The following NCBP2L variants were observed in gnomAD, a reference collection of about 807,000 sequenced individuals.
NCBP2L encodes nuclear cap-binding protein subunit 2-like.
For synonymous variants in NCBP2L, 39 were observed against 19.2 expected (o/e 2.04, Z -2.70); for missense variants, 95 against 53.1 (o/e 1.79, Z -2.45).
intron 1 of NCBP2L, among the ~76,000 whole-genome samples, chrX:107,789,623 TAA>T (rs1279601457): frequency 2.7e-5 from 3 of 111,319 alleles, no homozygotes; most frequent in Admixed American, 9.6e-5. Flanking sequence ...TGAACAATGT[TAA>T]GTCTTTATTT....
At chrX:107,782,321 A>T (rs1930327645) in intron 1 of NCBP2L, among the ~76,000 whole-genome samples, 1 of 39,840 alleles carries the variant, frequency 2.5e-5, no homozygotes, top group Admixed American at 4.4e-4. Context: ...AAATATATAT[A>T]TATAAATATA....
At chrX:107,782,711 GT>G (rs933321821) in intron 1 of NCBP2L, among the ~76,000 whole-genome samples, 3 of 104,291 alleles carry the variant, frequency 2.9e-5, no homozygotes, top group Admixed American at 1.1e-4. Flanking sequence ...ATCATGTAGT[GT>G]TTTTTTTTCT....
chrX:107,783,365 T>TTTA (rs1930351113), intron 1 of NCBP2L, among the ~76,000 whole-genome samples: 1 of 95,969 alleles, frequency 1.0e-5, no homozygotes, highest in African/African-American at 4.0e-5. Flanking sequence ...TGCCTTTTTT[T>TTTA]TTTTTTTTTT....
intron 1 of NCBP2L, among the ~76,000 whole-genome samples, chrX:107,792,160 G>T (rs749833434): frequency 8.9e-6 from 1 of 111,771 alleles, no homozygotes; most frequent in Non-Finnish European, 1.9e-5. Context: ...CCATGTGTTC[G>T]CTTCTTTGGC....
chrX:107,781,651 C>CTATCATCTATCTATCT (rs1405952181), intron 1 of NCBP2L, among the ~76,000 whole-genome samples: 5 of 65,210 alleles, frequency 7.7e-5, no homozygotes, highest in Non-Finnish European at 1.3e-4. Flanking sequence ...ATCTATCTAT[C>CTATCATCTATCTATCT]ATCTATCTAT....
chrX:107,790,107 AGACCTCTATCTACACAGTT>A (rs765170616), intron 1 of NCBP2L, among the ~76,000 whole-genome samples: 1 of 101,478 alleles, frequency 9.9e-6, no homozygotes, highest in Non-Finnish European at 2.1e-5. Context: ...TTGGTGACTC[AGACCTCTATCTACACAGTT>A]GACCTCTATC....
intron 1 of NCBP2L, among the ~76,000 whole-genome samples, chrX:107,781,736 A>C (rs963550759): frequency 4.3e-5 from 3 of 70,523 alleles, no homozygotes; most frequent in African/African-American, 1.0e-4. Flanking sequence ...ATAGATCTAT[A>C]TATAGATATC....
chrX:107,781,873 G>A (rs1458615244), intron 1 of NCBP2L, among the ~76,000 whole-genome samples: 1 of 71,314 alleles, frequency 1.4e-5, no homozygotes, highest in Non-Finnish European at 2.6e-5. Context: ...TCTTTGAGAC[G>A]GAGTCTCGCT....
At chrX:107,781,216 C>CTTTT in intron 1 of NCBP2L, among the ~76,000 whole-genome samples, 2 of 89,843 alleles carry the variant, frequency 2.2e-5, no homozygotes, top group Non-Finnish European at 4.4e-5. Flanking sequence ...TGAAGGCCGG[C>CTTTT]TTTTTTTTTT....
At chrX:107,781,840 A>G (rs1930295840) in intron 1 of NCBP2L, among the ~76,000 whole-genome samples, 1 of 42,865 alleles carries the variant, frequency 2.3e-5, no homozygotes, top group Non-Finnish European at 4.8e-5. Flanking sequence ...AGAGATATAT[A>G]TATTTATATA....
At position 107,794,855 on chromosome X, in the gene NCBP2L, C is replaced by G. The variant is rs1479789684; in HGVS notation, c.*173C>G. 2.7e-6 allele frequency: 1 copy of G among 377,352 alleles called. No individual in the cohort carries two copies. The highest frequency in any genetic ancestry group is 4.2e-5 in the East Asian group (1 of 23,866). The allele number at this position is 377,352 out of a possible 1,213,427, so 31.1% of individuals were successfully genotyped here. The stretch of plus-strand genomic sequence containing the variant: ...ACAAAAAAAATCCATTTGTTTTTGT[C>G]TGAATTTTGAAGATGCTTTTCAGAT... On this transcript the variant is annotated 3_prime_UTR_variant, in exon 2 of 2. Coordinates refer to ENST00000509000, the MANE Select transcript of NCBP2L (RefSeq NM_001348372.2).
At position 107,782,318 on chromosome X, in the gene NCBP2L, TATATATAA is replaced by T. The variant is rs1259627615; in HGVS notation, c.-73+4468_-73+4475del. Among the ~76,000 whole-genome samples the T allele has an allele frequency of 5.9e-4, 21 of 35,382 alleles. 3 individuals carry two copies. The highest frequency in any genetic ancestry group is 5.7e-3 in the African/African-American group (20 of 3,498). The allele number at this position is 35,382 out of a possible 115,157, so 30.7% of individuals were successfully genotyped here. ...ATATATAAATATATATATAAATATA[TATATATAA>T]ATATATATATAAATATATATATATA... On this transcript the variant is annotated intron_variant, in intron 1 of 1. Coordinates refer to ENST00000509000, the MANE Select transcript of NCBP2L (RefSeq NM_001348372.2).
chrX:107,779,995 C>T lies in NCBP2L; in HGVS notation c.-73+2137C>T, dbSNP rs372595001. ...TCCTGACCTCGTGATCCGCCCGTCT[C>T]GGCCTCCCAAAGTGCTGGGATTACA... On this transcript the variant is annotated intron_variant, in intron 1 of 1. Transcript: ENST00000509000. Among the ~76,000 whole-genome samples the T allele has an allele frequency of 2.4e-4, 26 of 109,131 alleles. No homozygotes were observed. The East Asian group carries it at 5.3e-3, about 22-fold the overall frequency. 94.8% of individuals were successfully genotyped at this position (109,131 alleles called of 115,157 possible). A position where few individuals can be genotyped will look rare whatever the true frequency, so the allele number is the denominator to read the frequency against.
chrX:107,781,743 T>TATATATATATAG (rs1930288356), intron 1 of NCBP2L, among the ~76,000 whole-genome samples: 7 of 94,788 alleles, frequency 7.4e-5, no homozygotes, highest in South Asian at 9.3e-4. Flanking sequence ...TATATATAGA[T>TATATATATATAG]ATCTATATAT....
At chrX:107,787,515 A>G (rs1417134678) in intron 1 of NCBP2L, among the ~76,000 whole-genome samples, 1 of 111,220 alleles carries the variant, frequency 9.0e-6, no homozygotes, top group Non-Finnish European at 1.9e-5. Flanking sequence ...GATTGTACCC[A>G]TTAAGTAATT....
chrX:107,778,167 G>A (rs373324131), intron 1 of NCBP2L, among the ~76,000 whole-genome samples: 1 of 111,531 alleles, frequency 9.0e-6, no homozygotes, highest in African/African-American at 3.3e-5. Context: ...CATGTTAAAC[G>A]TTATAGCAAA....
At chrX:107,778,224 G>A (rs779836934) in intron 1 of NCBP2L, among the ~76,000 whole-genome samples, 3 of 112,013 alleles carry the variant, frequency 2.7e-5, no homozygotes, top group South Asian at 7.3e-4. Context: ...TTTGTGAACT[G>A]CTGGGACTTT....
rs1276612234 is a variant in NCBP2L at position 107,782,168 on chromosome X, TATATATATATATAA to T, written c.-73+4350_-73+4363del. Among the ~76,000 whole-genome samples, 63 of 47,226 alleles carry T rather than the reference TATATATATATATAA, an allele frequency of 1.3e-3. 8 individuals carry two copies. The highest frequency in any genetic ancestry group is 6.1e-3 in the African/African-American group (49 of 8,029). The allele number at this position is 47,226 out of a possible 115,157, so 41.0% of individuals were successfully genotyped here. On this transcript the variant is annotated intron_variant, in intron 1 of 1. Coordinates refer to ENST00000509000, the MANE Select transcript of NCBP2L (RefSeq NM_001348372.2). ...ATATTTAAGGTGTACATCACGGCTA[TATATATATATATAA>T]ATATATATATATAAATATATATATA...
At chrX:107,788,609 C>T (rs944148314) in intron 1 of NCBP2L, among the ~76,000 whole-genome samples, 1 of 112,229 alleles carries the variant, frequency 8.9e-6, no homozygotes, top group African/African-American at 3.2e-5. Context: ...ACGTAGTGCT[C>T]GCTGTGTAGT....
Sources: gnomAD v4.1 joint callset for allele counts (sites outside exome capture counted in the v4.1 genomes callset) on GRCh38, gnomAD v4.1.1 for gene constraint, MANE v1.5 for transcripts, NCBI Gene and HGNC (gene_info 2026-07-23, HGNC 2026-07-21) for gene names.